The following OR4A47 variants were observed in gnomAD, a reference collection of about 807,000 sequenced individuals.
The protein encoded by OR4A47 is olfactory receptor 4A47.
In OR4A47, 19 loss-of-function variants were observed where a neutral mutation model predicts 16.2. That is an observed-to-expected ratio of 1.17 (90% confidence interval 0.82 to 1.72). OR4A47 has a LOEUF of 1.72. Among genes scored for constraint, OR4A47 ranks in the 40% most tolerant of loss-of-function variants. OR4A47 has a pLI of 0.00. For missense variants in OR4A47, 460 were observed against 361.1 expected (o/e 1.27, Z -2.22); for synonymous variants, 180 against 136.0 (o/e 1.32, Z -2.25).
In OR4A47 at chr11:48,489,250, A is replaced by C; in HGVS notation, c.458A>C (p.His153Pro). The part of the protein sequence containing the change: ...LVVSWVGGFL[H>P]SVFQLSIIYG... ...GTGTCCTGGGTTGGAGGATTTCTGC[A>C]CTCAGTATTTCAACTTAGCATTATT... The change falls in exon 1 of 1, where the codon CAC (histidine) becomes CCC (proline). Residue 153 changes from histidine (H) to proline (P), a missense_variant. His to Pro is a moderately conservative substitution (Grantham distance 77, BLOSUM62 -2). Transcript: ENST00000446524. The C allele has an allele frequency of 6.2e-7, 1 of 1,613,612 alleles. No individual in the cohort carries two copies. The highest frequency in any genetic ancestry group is 8.5e-7 in the Non-Finnish European group (1 of 1,179,754).
Position 48,488,909 on chromosome 11 carries a change from C to A in OR4A47, c.117C>A (p.Gly39=), listed in dbSNP as rs780622239. 43 of 1,613,178 alleles carry A rather than the reference C, an allele frequency of 2.7e-5. No individual in the cohort carries two copies. Among genetic ancestry groups the A allele is most frequent in the Non-Finnish European group, 3.3e-5 (39 of 1,179,476 alleles). Residue 39 remains glycine (G), a synonymous_variant, in exon 1 of 1, where the codon GGC becomes GGA. Transcript: ENST00000446524. Reference sequence around the variant, plus strand: ...TCTTCTACATTTTGACCATGGTGGGCAACCTGCTCATTGTAGTGACCGTAA... The same window carrying A: ...TCTTCTACATTTTGACCATGGTGGGAAACCTGCTCATTGTAGTGACCGTAA... ...FLLFYILTMV[G]NLLIVVTVTV...
Position 48,489,476 on chromosome 11 carries a change from G to A in OR4A47, c.684G>A (p.Gln228=). 1.2e-6 allele frequency: 2 copies of A among 1,613,834 alleles called. No homozygotes were observed. Among genetic ancestry groups the A allele is most frequent in the Non-Finnish European group, 1.7e-6 (2 of 1,179,836 alleles). Residue 228 remains glutamine (Q), a synonymous_variant, in exon 1 of 1, where the codon CAG becomes CAA. Transcript: ENST00000446524. ...TGCACTCTTTAAAGAACCTTAGTCA[G>A]AAAGGGAGGCAAAAAGCCCTCTCAA... ...VILHSLKNLS[Q]KGRQKALSTC...
Sources: allele counts gnomAD v4.1 joint callset, GRCh38; gene constraint gnomAD v4.1.1; transcripts MANE v1.5; gene names NCBI Gene and HGNC (gene_info 2026-07-23, HGNC 2026-07-21).